Variants in DROSHA observed in about 807,000 individuals in gnomAD.
The protein encoded by DROSHA is ribonuclease 3.
DROSHA carries 56 observed loss-of-function variants against 181.9 expected under a neutral mutation model. The ratio of observed to expected loss-of-function variants is 0.31; its 90% confidence interval spans 0.25 to 0.38. The LOEUF (loss-of-function observed/expected upper bound fraction) is 0.38. Ranked by LOEUF, DROSHA falls within the 10% of genes least tolerant of loss-of-function variation. The pLI is 1.00. For missense variants in DROSHA, 1,218 were observed against 1,743.5 expected, an observed-to-expected ratio of 0.70 and a Z score of 5.37; for synonymous variants, 524 against 591.2, an observed-to-expected ratio of 0.89 and a Z score of 1.65.
Position 31,526,175 on chromosome 5 carries a change from C to T in DROSHA, c.758G>A (p.Gly253Asp). 6.2e-7 allele frequency: 1 copy of T among 1,613,820 alleles called. No homozygotes were observed. The highest frequency in any genetic ancestry group is 8.5e-7 in the Non-Finnish European group (1 of 1,179,846). Residue 253 changes from glycine to aspartate, a missense_variant, in exon 5 of 36, where the codon GGC becomes GAC. Physicochemically the swap from Gly to Asp is moderately conservative, Grantham distance 94. Coordinates refer to ENST00000344624, the MANE Select transcript of DROSHA (RefSeq NM_001382508.1). Reference protein sequence around the residue: ...RHRSLDRRERGRSPDRRRQDS... With the variant: ...RHRSLDRRERDRSPDRRRQDS... ...TTGTCTTCTCCTGTCGGGACTGCGG[C>T]CTCGCTCCCGCCGATCCAGGGACCG... is the stretch of plus-strand genomic sequence containing the variant.
chr5:31,479,860 G>A (rs1750824797), intron 16 of DROSHA, among the ~76,000 whole-genome samples: 1 of 151,892 alleles, frequency 6.6e-6, no homozygotes, highest in African/African-American at 2.4e-5. Flanking sequence ...ACCATACCAG[G>A]TGGAATTCTG....
rs1739162252 is a variant in DROSHA at position 31,515,382 on chromosome 5, T to C, written c.1058+72A>G. On this transcript the variant is annotated intron_variant, in intron 7 of 35. Coordinates refer to ENST00000344624, the MANE Select transcript of DROSHA (RefSeq NM_001382508.1). ...CAGTGACTCCCAAATACCAGTCTGG[T>C]GGCATCAGAATCACCTGAAGTTTAC... 5.9e-6 allele frequency: 6 copies of C among 1,024,008 alleles called. 1 individual carries two copies. Among genetic ancestry groups the C allele is most frequent in the Non-Finnish European group, 8.6e-6 (6 of 695,214 alleles). The allele number at this position is 1,024,008 out of a possible 1,614,324, so 63.4% of individuals were successfully genotyped here.
chr5:31,525,579 T>C (rs966176968), intron 5 of DROSHA, among the ~76,000 whole-genome samples: 1 of 151,820 alleles, frequency 6.6e-6, no homozygotes, highest in African/African-American at 2.4e-5. Flanking sequence ...TACTTCGTTT[T>C]ACAAAGAAAC....
rs753113176 is a variant in DROSHA at position 31,515,090 on chromosome 5, C to T, written c.1188G>A (p.Met396Ile). Residue 396 changes from methionine (M) to isoleucine (I), a missense_variant, in exon 8 of 36, where the codon ATG (methionine) becomes ATA (isoleucine). By Grantham distance (10) the Met-to-Ile change is conservative. Around this residue, in one of 8 missense-constraint regions of DROSHA, gnomAD observed 536 missense variants for 535.4 expected, o/e 1.00. Coordinates refer to ENST00000344624, the MANE Select transcript of DROSHA (RefSeq NM_001382508.1). ...CTTCTTCCTCCTCATTCTTGTCAGG[C>T]ATGGTCTCCTCGGGCTCTTTTTCCT... Reference protein sequence around the residue: ...SIKEKEPEETMPDKNEEEEEE... With the variant: ...SIKEKEPEETIPDKNEEEEEE... 3 of 1,614,004 alleles carry T rather than the reference C, an allele frequency of 1.9e-6. No individual in the cohort carries two copies. The highest frequency in any genetic ancestry group is 2.5e-6 in the Non-Finnish European group (3 of 1,179,890).
chr5:31,471,293 T>C (rs903859974), intron 17 of DROSHA, among the ~76,000 whole-genome samples: 4 of 152,198 alleles, frequency 2.6e-5, no homozygotes, highest in Non-Finnish European at 5.9e-5. Flanking sequence ...ATTCCATTTA[T>C]TTTCACGGAA....
chr5:31,448,860 C>T (rs552606026), intron 22 of DROSHA, among the ~76,000 whole-genome samples: 1 of 152,308 alleles, frequency 6.6e-6, no homozygotes, highest in African/African-American at 2.4e-5. Flanking sequence ...GGGCCAGGCA[C>T]AGTGGCTCAG....
At chr5:31,419,894 G>A (rs1442968039) in intron 30 of DROSHA, among the ~76,000 whole-genome samples, 4 of 151,954 alleles carry the variant, frequency 2.6e-5, no homozygotes, top group Non-Finnish European at 5.9e-5. Flanking sequence ...AATGTTTATA[G>A]TTTATGAATT....
chr5:31,478,316 C>A lies in DROSHA; in HGVS notation c.2071+5238G>T, dbSNP rs181647590. On this transcript the variant is annotated intron_variant, in intron 16 of 35. Transcript: ENST00000344624. ...AGCTGATGAGATTAAAAAGAAAAAT[C>A]CAAAAAAAACTCAAAATGTTTTACG... is the stretch of plus-strand genomic sequence containing the variant. 2.1e-3 allele frequency among the ~76,000 whole-genome samples: 317 copies of A among 152,188 alleles called. 3 individuals are homozygous for A. The South Asian group carries it at 0.023, about 11-fold the overall frequency.
At chr5:31,438,925 A>G (rs543366834) in intron 23 of DROSHA, among the ~76,000 whole-genome samples, 3 of 152,242 alleles carry the variant, frequency 2.0e-5, no homozygotes, top group East Asian at 3.9e-4. Context: ...ACAGCATGGT[A>G]TCCTCCAGCC....
Position 31,409,311 on chromosome 5 carries a change from A to G in DROSHA, c.3689T>C (p.Ile1230Thr). The G allele has an allele frequency of 6.3e-7, 1 of 1,583,300 alleles. No individual in the cohort carries two copies. Among genetic ancestry groups the G allele is most frequent in the African/African-American group, 1.3e-5 (1 of 74,484 alleles). The change falls in exon 32 of 36, where the codon ATT becomes ACT. Residue 1230 changes from isoleucine to threonine, a missense_variant. This residue lies in a region of DROSHA where 47 missense variants were observed against 70.6 expected (regional missense o/e 0.67). Coordinates refer to ENST00000344624, the MANE Select transcript of DROSHA (RefSeq NM_001382508.1). This position sits in a 1 kb window ranked among gnomAD's most constrained non-coding sequence, Gnocchi z 4.0. ...LLESFIAALY[I>T]DKDLEYVHTF... Reference sequence around the variant, plus strand: ...ATGAACATATTCCAAATCCTTATCAATGTACAGCGCTGCAATAAATGCTGG... The same window carrying G: ...ATGAACATATTCCAAATCCTTATCAGTGTACAGCGCTGCAATAAATGCTGG...
intron 20 of DROSHA, among the ~76,000 whole-genome samples, chr5:31,459,019 T>C (rs1303723830): frequency 6.6e-6 from 1 of 152,180 alleles, no homozygotes; most frequent in Admixed American, 6.5e-5. Context: ...TTAAAGAGAC[T>C]TAAACAACAT....
intron 10 of DROSHA, among the ~76,000 whole-genome samples, chr5:31,506,787 T>C (rs4867346): frequency 0.99 from 150,363 of 152,140 alleles, 74,334 homozygotes; most frequent in East Asian, 1. Flanking sequence ...TAACTTAGTG[T>C]TCACGGATCT....
chr5:31,448,004 A>G (rs1746512827), intron 23 of DROSHA, among the ~76,000 whole-genome samples: 1 of 152,250 alleles, frequency 6.6e-6, no homozygotes, highest in African/African-American at 2.4e-5. Context: ...ACTCCTAAGT[A>G]TATACCCAAG....
Position 31,472,440 on chromosome 5 carries a change from AT to A in DROSHA, c.2072-209del, listed in dbSNP as rs370469357. On this transcript the variant is annotated intron_variant, in intron 16 of 35. Transcript: ENST00000344624. ...ATGAACAGTGCTCATAAACCATCTC[AT>A]TTACTAAATTGGCAACAACAACATT... is the stretch of plus-strand genomic sequence containing the variant. 5.3e-4 allele frequency among the ~76,000 whole-genome samples: 80 copies of A among 152,334 alleles called. 3 individuals are homozygous for A. In the East Asian group the frequency reaches 0.014, roughly 26 times the overall value.
intron 16 of DROSHA, among the ~76,000 whole-genome samples, chr5:31,482,358 G>C (rs894845940): frequency 1.2e-4 from 18 of 152,216 alleles, no homozygotes; most frequent in African/African-American, 4.1e-4. Context: ...AAACATCAGA[G>C]CACAGGACCT....
At chr5:31,496,000 G>T (rs1056689468) in intron 11 of DROSHA, among the ~76,000 whole-genome samples, 2 of 152,200 alleles carry the variant, frequency 1.3e-5, no homozygotes, top group Non-Finnish European at 2.9e-5. Flanking sequence ...GGCTGGGAGA[G>T]GTGTGAGCTG....
intron 33 of DROSHA, among the ~76,000 whole-genome samples, chr5:31,407,363 C>G (rs777444195): frequency 2.6e-5 from 4 of 152,228 alleles, no homozygotes; most frequent in Middle Eastern, 3.2e-3. Flanking sequence ...CTTCAAGCCA[C>G]ATCTGAATGC....
intron 13 of DROSHA, among the ~76,000 whole-genome samples, chr5:31,487,109 G>A (rs1177441849): frequency 6.6e-6 from 1 of 152,190 alleles, no homozygotes; most frequent in Non-Finnish European, 1.5e-5. Context: ...GCCAGGCAGT[G>A]TCCCAAATGC....
intron 16 of DROSHA, among the ~76,000 whole-genome samples, chr5:31,479,398 A>G (rs1432928042): frequency 2.0e-5 from 3 of 152,198 alleles, no homozygotes; most frequent in Non-Finnish European, 4.4e-5. Context: ...CTTTTCAATA[A>G]ATGGTGCTGG....
Sources: gnomAD v4.1 joint callset for allele counts (sites outside exome capture counted in the v4.1 genomes callset) on GRCh38, gnomAD v4.1.1 for gene constraint, gnomAD v4.1.1 regional missense constraint, Gnocchi (gnomAD v3.1) non-coding constraint, MANE v1.5 for transcripts, NCBI Gene and HGNC (gene_info 2026-07-23, HGNC 2026-07-21) for gene names.